PAK3: variants seen among roughly 807,000 people sequenced by gnomAD.
The protein encoded by PAK3 is p21 (RAC1) activated kinase 3.
Under a neutral mutation model 41.0 loss-of-function variants are expected in PAK3, and 4 were observed. The observed-to-expected ratio is 0.10, with a 90% confidence interval of 0.05 to 0.22. The LOEUF is 0.22. Among genes scored for constraint, PAK3 ranks in the 10% least tolerant of loss-of-function variants. The pLI is 1.00. For synonymous variants in PAK3, 146 were observed against 139.6 expected (o/e 1.05, Z -0.32); for missense variants, 205 against 409.9 (o/e 0.50, Z 4.32).
At chrX:111,181,767 A>G (rs1226372767) in intron 11 of PAK3, among the ~76,000 whole-genome samples, 1 of 105,854 alleles carries the variant, frequency 9.4e-6, no homozygotes, top group Admixed American at 1.0e-4. Flanking sequence ...TCAGGAAACT[A>G]TGGGCAAGAG....
intron 1 of PAK3, among the ~76,000 whole-genome samples, chrX:111,039,672 A>G (rs2092434078): frequency 9.0e-6 from 1 of 111,602 alleles, no homozygotes. Context: ...TAGGGCAGAA[A>G]TGATTTTTTA....
intron 1 of PAK3, among the ~76,000 whole-genome samples, chrX:111,040,767 C>T (rs1220640655): frequency 8.9e-6 from 1 of 112,344 alleles, no homozygotes; most frequent in African/African-American, 3.2e-5. Flanking sequence ...CTCTTGTGTT[C>T]CACTTGATTC....
chrX:110,947,819 T>A (rs1299659365), intron 1 of PAK3, among the ~76,000 whole-genome samples: 2 of 111,214 alleles, frequency 1.8e-5, no homozygotes, highest in Non-Finnish European at 3.8e-5. Context: ...TCTTGCTGGG[T>A]AAGCTTGGAT....
chrX:110,951,587 C>T (rs1433633963), intron 1 of PAK3, among the ~76,000 whole-genome samples: 2 of 112,104 alleles, frequency 1.8e-5, no homozygotes, highest in Non-Finnish European at 3.8e-5. Flanking sequence ...CAGGTTTTGG[C>T]TCTTAAATCA....
intron 5 of PAK3, among the ~76,000 whole-genome samples, chrX:111,124,022 C>A (rs931493427): frequency 1.8e-5 from 2 of 111,707 alleles, no homozygotes; most frequent in African/African-American, 6.5e-5. Flanking sequence ...AGGGCACTGA[C>A]ACCATAGAAA....
intron 3 of PAK3, among the ~76,000 whole-genome samples, chrX:111,099,020 A>C (rs2093067719): frequency 9.0e-6 from 1 of 110,845 alleles, no homozygotes; most frequent in Non-Finnish European, 1.9e-5. Flanking sequence ...GGGGGCGGAA[A>C]AGGGCCTGCA....
intron 8 of PAK3, among the ~76,000 whole-genome samples, chrX:111,160,169 A>C (rs1302720934): frequency 8.9e-6 from 1 of 111,870 alleles, no homozygotes; most frequent in Non-Finnish European, 1.9e-5. Context: ...AAACAAAACA[A>C]AACAAAACAC....
chrX:110,967,440 A>G (rs774383723), intron 1 of PAK3, among the ~76,000 whole-genome samples: 2 of 111,423 alleles, frequency 1.8e-5, no homozygotes, highest in Non-Finnish European at 3.8e-5. Context: ...AGGGGCCACA[A>G]ACTCAAATGC....
chrX:111,168,032 C>A (rs1333955501), intron 10 of PAK3, among the ~76,000 whole-genome samples: 1 of 111,027 alleles, frequency 9.0e-6, no homozygotes, highest in Non-Finnish European at 1.9e-5. Flanking sequence ...CACTCAAAAC[C>A]CTTTTTCCTA....
chrX:111,095,252 A>G (rs1238034907), upstream of PAK3, among the ~76,000 whole-genome samples: 1 of 112,185 alleles, frequency 8.9e-6, no homozygotes, highest in African/African-American at 3.2e-5. Context: ...AGTTTAACCC[A>G]ACGGTTACAA....
intron 1 of PAK3, among the ~76,000 whole-genome samples, chrX:111,083,504 G>T (rs1322710614): frequency 8.9e-6 from 1 of 112,196 alleles, no homozygotes. Context: ...GCTAGATTTT[G>T]TTCCCTTTCT....
intron 1 of PAK3, among the ~76,000 whole-genome samples, chrX:111,028,203 G>A (rs2092299305): frequency 3.7e-5 from 4 of 107,744 alleles, no homozygotes; most frequent in Admixed American, 2.0e-4. Context: ...TAAGCTATGA[G>A]GACACAAAGG....
intron 1 of PAK3, among the ~76,000 whole-genome samples, chrX:110,972,955 AG>A (rs1569499062): frequency 8.9e-6 from 1 of 111,895 alleles, no homozygotes; most frequent in Non-Finnish European, 1.9e-5. Context: ...AGTGGAAGAA[AG>A]GGTATCAGTG....
intron 1 of PAK3, among the ~76,000 whole-genome samples, chrX:111,084,594 G>T (rs1223172357): frequency 8.9e-6 from 1 of 111,742 alleles, no homozygotes; most frequent in African/African-American, 3.3e-5. Context: ...CTACTTTGGG[G>T]CCTGCCTCCC....
chrX:111,160,735 T>A (rs1172475456), intron 8 of PAK3, among the ~76,000 whole-genome samples: 1 of 110,682 alleles, frequency 9.0e-6, no homozygotes, highest in Admixed American at 9.6e-5. Flanking sequence ...TTTGTCCTTG[T>A]GATAGTTTGC....
chrX:111,028,369 C>A (rs1363176416), intron 1 of PAK3, among the ~76,000 whole-genome samples: 1 of 109,903 alleles, frequency 9.1e-6, no homozygotes, highest in Non-Finnish European at 1.9e-5. Flanking sequence ...TAAACAAAAA[C>A]CACCTGTTCC....
chrX:111,175,387 G>T (rs767562562), intron 11 of PAK3, among the ~76,000 whole-genome samples: 1 of 111,248 alleles, frequency 9.0e-6, no homozygotes, highest in Admixed American at 9.6e-5. Context: ...ATTACATGTT[G>T]GGAAATTTTG....
intron 1 of PAK3, among the ~76,000 whole-genome samples, chrX:111,005,685 C>G (rs913227772): frequency 9.0e-6 from 1 of 111,682 alleles, no homozygotes; most frequent in Non-Finnish European, 1.9e-5. Context: ...GCTATATCCC[C>G]GGTGTTCTTT....
intron 16 of PAK3, among the ~76,000 whole-genome samples, chrX:111,204,882 T>G (rs2094724324): frequency 9.8e-6 from 1 of 102,052 alleles, no homozygotes; most frequent in Non-Finnish European, 2.0e-5. Context: ...TGCTTTGTTT[T>G]TTTTTTTTTT....
Sources: gnomAD v4.1 joint callset for allele counts (sites outside exome capture counted in the v4.1 genomes callset) on GRCh38, gnomAD v4.1.1 for gene constraint, MANE v1.5 for transcripts, NCBI Gene and HGNC (gene_info 2026-07-23, HGNC 2026-07-21) for gene names.